Variants in BMP5 observed in about 807,000 individuals in gnomAD.
BMP5 encodes bone morphogenetic protein 5.
Under a neutral mutation model 46.6 loss-of-function variants are expected in BMP5, and 23 were observed. The ratio of observed to expected loss-of-function variants is 0.49; its 90% confidence interval spans 0.35 to 0.70. BMP5 has a LOEUF of 0.70. Among genes scored for constraint, BMP5 ranks in the 30% least tolerant of loss-of-function variants. The pLI is 0.00. For missense variants in BMP5, 545 were observed against 565.6 expected (o/e 0.96, Z 0.37); for synonymous variants, 204 against 191.9 (o/e 1.06, Z -0.52).
chr6:55,812,879 T>C (rs1776167764), intron 2 of BMP5, among the ~76,000 whole-genome samples: 2 of 152,214 alleles, frequency 1.3e-5, no homozygotes, highest in African/African-American at 2.4e-5. Context: ...TCATGTGATA[T>C]GTAAATAAAG....
At chr6:55,758,390 C>T (rs1458158873) in intron 6 of BMP5, among the ~76,000 whole-genome samples, 2 of 151,734 alleles carry the variant, frequency 1.3e-5, no homozygotes, top group Non-Finnish European at 2.9e-5. Flanking sequence ...CAGTTAATCA[C>T]GTCAACCCTT....
intron 2 of BMP5, among the ~76,000 whole-genome samples, chr6:55,817,863 G>T (rs1350922208): frequency 7.9e-5 from 12 of 152,150 alleles, no homozygotes; most frequent in Admixed American, 7.9e-4. Flanking sequence ...TTAAGCAGCT[G>T]AAATAGCTTA....
chr6:55,766,271 T>C (rs1225169058), intron 4 of BMP5, among the ~76,000 whole-genome samples: 1 of 152,140 alleles, frequency 6.6e-6, no homozygotes, highest in East Asian at 1.9e-4. Context: ...GCTTATTTTA[T>C]GGAATTTCTT....
At chr6:55,767,395 T>C (rs1220365107) in intron 4 of BMP5, among the ~76,000 whole-genome samples, 3 of 152,030 alleles carry the variant, frequency 2.0e-5, no homozygotes, top group Non-Finnish European at 4.4e-5. Flanking sequence ...TAGTTATATA[T>C]AATAACTCAT....
intron 4 of BMP5, among the ~76,000 whole-genome samples, chr6:55,762,694 A>G (rs1486094580): frequency 2.0e-5 from 3 of 152,158 alleles, no homozygotes; most frequent in African/African-American, 7.2e-5. Flanking sequence ...AATTGATTCT[A>G]CTATTGGTTT....
At chr6:55,797,568 T>G (rs1336307776) in intron 2 of BMP5, among the ~76,000 whole-genome samples, 2 of 151,740 alleles carry the variant, frequency 1.3e-5, no homozygotes, top group African/African-American at 2.4e-5. Flanking sequence ...TACATGAATG[T>G]GCATAAGCAA....
At chr6:55,784,346 CTA>C (rs1165056093) in intron 3 of BMP5, among the ~76,000 whole-genome samples, 2 of 151,784 alleles carry the variant, frequency 1.3e-5, no homozygotes. Flanking sequence ...GAAAAAAAGA[CTA>C]TTTTTAAAAT....
At chr6:55,759,306 C>T (rs1364269415) in intron 5 of BMP5, among the ~76,000 whole-genome samples, 191 bp from the exon 6 acceptor site, 2 of 151,122 alleles carry the variant, frequency 1.3e-5, no homozygotes, top group Admixed American at 6.6e-5. Context: ...ATTATCTTCC[C>T]CACACCCTTT....
At chr6:55,836,040 A>T (rs1326714725) in intron 1 of BMP5, among the ~76,000 whole-genome samples, 1 of 152,176 alleles carries the variant, frequency 6.6e-6, no homozygotes, top group Non-Finnish European at 1.5e-5. Context: ...CTATATGTTT[A>T]TTTAAATGTA....
At chr6:55,776,938 G>A (rs996605306) in intron 3 of BMP5, among the ~76,000 whole-genome samples, 2 of 151,778 alleles carry the variant, frequency 1.3e-5, no homozygotes, top group African/African-American at 4.8e-5. Flanking sequence ...TTACAAATAC[G>A]GGTTTCTTGG....
At chr6:55,780,470 A>AAAGAAAAG (rs1554181021) in intron 3 of BMP5, among the ~76,000 whole-genome samples, 1 of 131,718 alleles carries the variant, frequency 7.6e-6, no homozygotes, top group African/African-American at 2.7e-5. Flanking sequence ...AAAAAAAAAA[A>AAAGAAAAG]AAAGAAAGAA....
intron 1 of BMP5, among the ~76,000 whole-genome samples, chr6:55,847,063 C>T (rs1431004153): frequency 6.6e-6 from 1 of 151,518 alleles, no homozygotes; most frequent in African/African-American, 2.4e-5. Context: ...CATTGTATAC[C>T]CTCTATTCCA....
intron 1 of BMP5, among the ~76,000 whole-genome samples, chr6:55,843,319 T>A (rs543870313): frequency 3.9e-5 from 6 of 152,184 alleles, no homozygotes; most frequent in Admixed American, 2.0e-4. Context: ...ATTTAAGCAT[T>A]TTATAAACTA....
intron 1 of BMP5, among the ~76,000 whole-genome samples, chr6:55,833,072 T>C (rs1562060708): frequency 6.6e-6 from 1 of 152,126 alleles, no homozygotes; most frequent in Non-Finnish European, 1.5e-5. Flanking sequence ...GCTATGATCA[T>C]GCCACTGTAC....
Position 55,755,303 on chromosome 6 carries a change from G to T in BMP5, c.*230C>A. The T allele has an allele frequency of 2.2e-6, 1 of 450,042 alleles. No individual in the cohort carries two copies. Among genetic ancestry groups the T allele is most frequent in the African/African-American group, 2.0e-5 (1 of 50,346 alleles). The allele number at this position is 450,042 out of a possible 1,614,324, so 27.9% of individuals were successfully genotyped here. The stretch of plus-strand genomic sequence containing the variant: ...TGAAAATTATACTAGATGATCTATT[G>T]TATAATGTAGTGGCCTATGAAATAG... On this transcript the variant is annotated 3_prime_UTR_variant, in exon 7 of 7. Coordinates refer to ENST00000370830, the MANE Select transcript of BMP5 (RefSeq NM_021073.4).
chr6:55,825,207 C>T (rs1040946166), intron 1 of BMP5, among the ~76,000 whole-genome samples: 1 of 151,826 alleles, frequency 6.6e-6, no homozygotes, highest in African/African-American at 2.4e-5. Flanking sequence ...ACCCAAATCA[C>T]AAACACAACA....
rs1235316994 is a variant in BMP5, at chr6:55,803,155, T to TG, written c.684-8729dup. Among the ~76,000 whole-genome samples the TG allele has an allele frequency of 0.01, 76 of 7,382 alleles. No individual in the cohort carries two copies. The East Asian group carries it at 0.16, about 15-fold the overall frequency. 4.8% of individuals were successfully genotyped at this position (7,382 alleles called of 152,430 possible). A position where few individuals can be genotyped will look rare whatever the true frequency, so the allele number is the denominator to read the frequency against. ...ACAAAAATTAGCTGGGGTGGGGGGG[T>TG]GGGGGGGGCAGGCGCCTGTAATCCC... On this transcript the variant is annotated intron_variant, in intron 2 of 6. Transcript: ENST00000370830.
intron 1 of BMP5, among the ~76,000 whole-genome samples, chr6:55,840,102 T>C (rs1776913475): frequency 6.6e-6 from 1 of 152,136 alleles, no homozygotes; most frequent in Non-Finnish European, 1.5e-5. Context: ...TATAGAAATC[T>C]TAAACACGTT....
intron 1 of BMP5, among the ~76,000 whole-genome samples, chr6:55,865,898 G>T (rs775501685): frequency 1.1e-4 from 17 of 152,118 alleles, no homozygotes; most frequent in Non-Finnish European, 2.1e-4. Flanking sequence ...ATACGCAGCT[G>T]GAATTCAAAC....
Sources: allele counts gnomAD v4.1 joint callset (sites outside exome capture counted in the v4.1 genomes callset), GRCh38; gene constraint gnomAD v4.1.1; transcripts MANE v1.5; gene names NCBI Gene and HGNC (gene_info 2026-07-23, HGNC 2026-07-21).